IGFN1: variants seen among roughly 807,000 people sequenced by gnomAD.
IGFN1 encodes the protein immunoglobulin like and fibronectin type III domain containing 1.
IGFN1 carries 253 observed loss-of-function variants against 289.5 expected under a neutral mutation model. That is an observed-to-expected ratio of 0.87 (90% CI 0.79 to 0.97). IGFN1 has a LOEUF of 0.97. Ranked by LOEUF, IGFN1 falls within the 50% of genes least tolerant of loss-of-function variation. IGFN1 has a pLI of 0.00. For missense variants in IGFN1, 4,470 were observed against 4,686.1 expected (o/e 0.95, Z 1.35); for synonymous variants, 1,706 against 1,788.5 (o/e 0.95, Z 1.16).
At chr1:201,196,186 G>A (rs888709014) in intron 4 of IGFN1, among the ~76,000 whole-genome samples, 1 of 152,200 alleles carries the variant, frequency 6.6e-6, no homozygotes, top group African/African-American at 2.4e-5. Flanking sequence ...TAACCTGGGA[G>A]GTGGTGTAGA....
rs1025044696 is a variant in IGFN1 at position 201,212,354 on chromosome 1, A to C, written c.7461A>C (p.Lys2487Asn). The change falls in exon 12 of 24, where the codon AAA becomes AAC. Residue 2487 changes from lysine (K) to asparagine (N), a missense_variant. Transcript: ENST00000335211. ...EASEAAGAKGKPDVKEWQDSS... is the reference protein window; with the variant it reads ...EASEAAGAKGNPDVKEWQDSS... ...CGGAGGCTGCTGGTGCCAAGGGAAA[A>C]CCAGATGTCAAAGAATGGCAAGACA... 1 of 1,536,738 alleles carries C rather than the reference A, an allele frequency of 6.5e-7. No individual in the cohort carries two copies. Among genetic ancestry groups the C allele is most frequent in the Non-Finnish European group, 8.7e-7 (1 of 1,146,788 alleles).
Position 201,215,064 on chromosome 1 carries a change from C to T in IGFN1, c.8905C>T (p.Leu2969Phe). The T allele has an allele frequency of 6.2e-7, 1 of 1,614,096 alleles. No individual in the cohort carries two copies. Among genetic ancestry groups the T allele is most frequent in the Non-Finnish European group, 8.5e-7 (1 of 1,180,014 alleles). The change falls in exon 14 of 24, where the codon CTC becomes TTC. Residue 2969 changes from leucine to phenylalanine, a missense_variant. This residue lies in a region of IGFN1 where 2,218 missense variants were observed against 2,114.1 expected (regional missense o/e 1.05). Coordinates refer to ENST00000335211, the MANE Select transcript of IGFN1 (RefSeq NM_001164586.2). Reference protein sequence around the residue: ...IFKQDGLVHSLFITHVQGTQA... With the variant: ...IFKQDGLVHSFFITHVQGTQA... ...TAAGCAAGACGGTCTCGTGCACAGC[C>T]TCTTCATCACGCATGTGCAGGGGAC...
chr1:201,193,401 C>T, intron 2 of IGFN1, 101 bp downstream of exon 2: 1 of 807,582 alleles, frequency 1.2e-6, no homozygotes, highest in South Asian at 1.7e-5. Flanking sequence ...TGGGAACTTG[C>T]CCATCTTGTT....
In IGFN1 at chr1:201,212,708, TG is replaced by T; in HGVS notation, c.7820del (p.Gly2607GlufsTer33). 2 of 1,550,188 alleles carry T rather than the reference TG, an allele frequency of 1.3e-6. No individual in the cohort carries two copies. Among genetic ancestry groups the T allele is most frequent in the Non-Finnish European group, 8.7e-7 (1 of 1,146,226 alleles). On this transcript the variant is annotated frameshift_variant, in exon 12 of 24. Transcript: ENST00000335211. LOFTEE classifies it high-confidence loss of function. ...GQDLDSGSMP[G>X]GRGKSTSGPA... ...AGGATCTGGACAGCGGCTCTATGCC[TG>T]GGGGAAGGGGCAAGTCAACATCAGG...
intron 20 of IGFN1, 111 bp from the exon 21 acceptor site, chr1:201,224,568 C>T (rs1228952384): frequency 9.8e-6 from 8 of 818,002 alleles, no homozygotes; most frequent in Middle Eastern, 2.4e-4. Context: ...CGACTTTCTC[C>T]TTGTAGAAGA....
chr1:201,206,725 A>G lies in IGFN1; in HGVS notation c.1832A>G (p.Gln611Arg). The G allele has an allele frequency of 6.5e-7, 1 of 1,536,864 alleles. No homozygotes were observed. Among genetic ancestry groups the G allele is most frequent in the Non-Finnish European group, 8.7e-7 (1 of 1,146,906 alleles). ...CCTGGGAGAGGAAAGAGCGACCTGCAGGGATGCCAGTCTGATCCTGTAGGG... is the reference window on the plus strand; with the variant it reads ...CCTGGGAGAGGAAAGAGCGACCTGCGGGGATGCCAGTCTGATCCTGTAGGG... ...LGPGRGKSDL[Q>R]GCQSDPVGSW... Residue 611 changes from glutamine (Q) to arginine (R), a missense_variant, in exon 12 of 24, where the codon CAG (glutamine) becomes CGG (arginine). Gln to Arg is a conservative substitution (Grantham distance 43). Transcript: ENST00000335211.
intron 10 of IGFN1, among the ~76,000 whole-genome samples, chr1:201,204,498 G>A (rs149105955): frequency 1.6e-4 from 25 of 152,278 alleles, no homozygotes; most frequent in South Asian, 1.0e-3. Context: ...CAGACATGTC[G>A]TAAGAACATG....
Position 201,213,142 on chromosome 1 carries a change from CTAGAGAT to C in IGFN1, c.8250_8256del (p.Arg2751GlyfsTer8). 6.4e-7 allele frequency: 1 copy of C among 1,551,606 alleles called. No homozygotes were observed. Among genetic ancestry groups the C allele is most frequent in the Non-Finnish European group, 8.7e-7 (1 of 1,146,980 alleles). On this transcript the variant is annotated frameshift_variant, in exon 12 of 24. Transcript: ENST00000335211. LOFTEE classifies it high-confidence loss of function. ...GATGGTCCCTTTGGCAGAAAAGCCT[CTAGAGAT>C]AGGTCAGGAGGGACCCAGGACCTGA... is the stretch of plus-strand genomic sequence containing the variant.
At chr1:201,221,335 G>C in intron 18 of IGFN1, 109 bp from the exon 19 acceptor site, 2 of 852,464 alleles carry the variant, frequency 2.3e-6, no homozygotes, top group Middle Eastern at 3.6e-4. Context: ...AGGCAGAATT[G>C]CTAAGTGAAA....
chr1:201,193,426 C>T, intron 2 of IGFN1, 126 bp downstream of exon 2: 2 of 669,526 alleles, frequency 3.0e-6, no homozygotes, highest in Non-Finnish European at 5.2e-6. Flanking sequence ...TTTTTTTTCT[C>T]CTTATTTTAT....
intron 10 of IGFN1, 64 bp downstream of exon 10, chr1:201,203,970 G>C (rs1667278320): frequency 7.1e-7 from 1 of 1,405,042 alleles, no homozygotes; most frequent in Admixed American, 2.1e-5. Flanking sequence ...GTCCATGTTG[G>C]TGCAACGTGT....
At position 201,206,824 on chromosome 1, in the gene IGFN1, C is replaced by T. The variant is rs747997343; in HGVS notation, c.1931C>T (p.Pro644Leu). Residue 644 changes from proline (P) to leucine (L), a missense_variant, in exon 12 of 24, where the codon CCA becomes CTA. Coordinates refer to ENST00000335211, the MANE Select transcript of IGFN1 (RefSeq NM_001164586.2). ...SLAEMDRGDA[P>L]SRERGRGIVV... ...GCTGAGATGGACAGAGGGGATGCTC[C>T]AAGTAGGGAAAGGGGGAGAGGAATA... 34 of 1,536,768 alleles carry T rather than the reference C, an allele frequency of 2.2e-5. No homozygotes were observed. The highest frequency in any genetic ancestry group is 2.9e-5 in the Non-Finnish European group (33 of 1,146,842).
At position 201,207,189 on chromosome 1, in the gene IGFN1, G is replaced by C. The variant is rs1002818904; in HGVS notation, c.2296G>C (p.Val766Leu). ...ADGICRGESV[V>L]TGSAYKTGPG... ...TGGTATATGCCGGGGGGAGTCTGTA[G>C]TTACAGGAAGTGCCTACAAAACTGG... is the stretch of plus-strand genomic sequence containing the variant. The change falls in exon 12 of 24, where the codon GTT becomes CTT. Residue 766 changes from valine (V) to leucine (L), a missense_variant. Val to Leu is a conservative substitution (Grantham distance 32). This residue lies in a region of IGFN1 where 2,011 missense variants were observed against 1,953.4 expected (regional missense o/e 1.03). Coordinates refer to ENST00000335211, the MANE Select transcript of IGFN1 (RefSeq NM_001164586.2). 9.1e-6 allele frequency: 14 copies of C among 1,536,824 alleles called. No individual in the cohort carries two copies. The highest frequency in any genetic ancestry group is 1.2e-5 in the Non-Finnish European group (14 of 1,146,860).
intron 6 of IGFN1, 74 bp downstream of exon 6, chr1:201,199,452 T>C: frequency 6.8e-7 from 1 of 1,475,708 alleles, no homozygotes. Context: ...GTTCCCTGCC[T>C]GGTTGAGCTA....
chr1:201,227,881 A>G (rs1356969539), intron 23 of IGFN1, among the ~76,000 whole-genome samples: 3 of 152,210 alleles, frequency 2.0e-5, no homozygotes, highest in Non-Finnish European at 4.4e-5. Context: ...TTTCTTAAGT[A>G]TGTCAAGATA....
At chr1:201,192,155 C>A (rs150308714) in intron 1 of IGFN1, among the ~76,000 whole-genome samples, 1 of 152,224 alleles carries the variant, frequency 6.6e-6, no homozygotes, top group Non-Finnish European at 1.5e-5. Flanking sequence ...CATTCCAGCA[C>A]GCTAGGGTGC....
At chr1:201,198,279 G>A (rs1166087906) in intron 5 of IGFN1, among the ~76,000 whole-genome samples, 9 of 152,088 alleles carry the variant, frequency 5.9e-5, no homozygotes, top group South Asian at 2.1e-4. Flanking sequence ...GGGATTACAC[G>A]CGTTTACCAC....
At position 201,201,764 on chromosome 1, in the gene IGFN1, G is replaced by C; in HGVS notation, c.679G>C (p.Asp227His). The change falls in exon 9 of 24, where the codon GAT becomes CAT. Residue 227 changes from aspartate (D) to histidine (H), a missense_variant. Transcript: ENST00000335211. ...CTTAAGACACATCAGGGTCACCAAG[G>C]ATGGGAATGCAAAGTTTGACTTGGA... ...SSLRHIRVTKDGNAKFDLELD... is the reference protein window; with the variant it reads ...SSLRHIRVTKHGNAKFDLELD... 6.5e-7 allele frequency: 1 copy of C among 1,544,458 alleles called. No individual in the cohort carries two copies. Among genetic ancestry groups the C allele is most frequent in the Non-Finnish European group, 8.8e-7 (1 of 1,141,952 alleles).
intron 18 of IGFN1, 142 bp downstream of exon 18, chr1:201,218,800 CA>C (rs1253695633): frequency 4.8e-6 from 4 of 828,644 alleles, no homozygotes; most frequent in African/African-American, 1.7e-5. Context: ...ATATAAAAAT[CA>C]AAAGGCCTCT....
Sources: allele counts gnomAD v4.1 joint callset (sites outside exome capture counted in the v4.1 genomes callset), GRCh38; gene constraint gnomAD v4.1.1; regional missense constraint gnomAD v4.1.1; transcripts MANE v1.5; gene names NCBI Gene and HGNC (gene_info 2026-07-23, HGNC 2026-07-21).